Variants in PTCHD1 observed in about 807,000 individuals in gnomAD.
The protein encoded by PTCHD1 is patched domain-containing protein 1.
In PTCHD1, 3 loss-of-function variants were observed where a neutral mutation model predicts 34.6. That is an observed-to-expected ratio of 0.09 (90% CI 0.04 to 0.22). The LOEUF is 0.22. PTCHD1 is among the 10% of genes least tolerant of loss of function. The pLI, the probability that PTCHD1 is intolerant of heterozygous loss-of-function variation, is 1.00. For missense variants in PTCHD1, 504 were observed against 685.5 expected, an observed-to-expected ratio of 0.74 and a Z score of 2.96; for synonymous variants, 305 against 283.1, an observed-to-expected ratio of 1.08 and a Z score of -0.77.
chrX:23,342,311 T>TATATATATATATATA (rs1491209851), intron 1 of PTCHD1, among the ~76,000 whole-genome samples: 4 of 8,882 alleles, frequency 4.5e-4, no homozygotes, highest in Admixed American at 1.5e-3. Flanking sequence ...TATATATATA[T>TATATATATATATATA]TTTTTTTTTT....
In PTCHD1 at chrX:23,393,183, G is replaced by A. The variant is rs146777271; in HGVS notation, c.1665G>A (p.Val555=). 885 of 1,209,825 alleles carry A rather than the reference G, an allele frequency of 7.3e-4. 2 individuals carry two copies. Among genetic ancestry groups the A allele is most frequent in the Non-Finnish European group, 8.6e-4 (771 of 894,818 alleles). ...QQKYFSNYSP[V]IGFYIYESIE... Reference sequence around the variant, plus strand: ...AGTACTTCAGCAACTACAGTCCTGTGATTGGGTTTTACATATATGAGTCTA... The same window carrying A: ...AGTACTTCAGCAACTACAGTCCTGTAATTGGGTTTTACATATATGAGTCTA... The change falls in exon 3 of 3, where the codon GTG becomes GTA. Residue 555 remains valine, a synonymous_variant. Transcript: ENST00000379361.
intron 1 of PTCHD1, among the ~76,000 whole-genome samples, chrX:23,348,547 C>T (rs1024703518): frequency 6.3e-5 from 7 of 110,410 alleles, no homozygotes; most frequent in Non-Finnish European, 1.1e-4. Context: ...TGAAAGAAGC[C>T]AGGGTCGGGG....
rs780005992 is a variant in PTCHD1 at position 23,394,121 on chromosome X, T to C, written c.2603T>C (p.Ile868Thr). 74 of 1,207,020 alleles carry C rather than the reference T, an allele frequency of 6.1e-5. No individual in the cohort carries two copies. The East Asian group carries it at 2.1e-3, about 34-fold the overall frequency. The part of the protein sequence containing the change: ...EKKNPENREE[I>T]ECVEMVDIDS... ...AAAAATCCTGAGAACCGGGAGGAAATTGAGTGTGTAGAAATGGTAGATATC... is the reference window on the plus strand; with the variant it reads ...AAAAATCCTGAGAACCGGGAGGAAACTGAGTGTGTAGAAATGGTAGATATC... The change falls in exon 3 of 3, where the codon ATT becomes ACT. Residue 868 changes from isoleucine (I) to threonine (T), a missense_variant. Ile to Thr is a moderately conservative substitution (Grantham distance 89, BLOSUM62 -1). Transcript: ENST00000379361.
intron 1 of PTCHD1, among the ~76,000 whole-genome samples, chrX:23,355,921 T>C (rs764732779): frequency 8.9e-6 from 1 of 112,924 alleles, no homozygotes; most frequent in South Asian, 3.7e-4. Flanking sequence ...TGGTTTGGTT[T>C]TGTTTTTAAA....
chrX:23,346,719 G>A (rs1007277024), intron 1 of PTCHD1, among the ~76,000 whole-genome samples: 4 of 111,988 alleles, frequency 3.6e-5, no homozygotes, highest in East Asian at 2.8e-4. Context: ...AAGGAGAGTC[G>A]TCAGTTGTCA....
intron 1 of PTCHD1, among the ~76,000 whole-genome samples, chrX:23,339,095 A>G (rs777622193): frequency 4.5e-5 from 5 of 111,769 alleles, no homozygotes; most frequent in Admixed American, 1.9e-4. Flanking sequence ...TGCCTTACAC[A>G]CTCCCTGGCA....
At chrX:23,349,950 G>C (rs932078180) in intron 1 of PTCHD1, among the ~76,000 whole-genome samples, 22 of 106,654 alleles carry the variant, frequency 2.1e-4, no homozygotes, top group Non-Finnish European at 4.0e-4. Flanking sequence ...AGCTGTTAAA[G>C]TCTGCAGGCA....
intron 2 of PTCHD1, among the ~76,000 whole-genome samples, chrX:23,381,402 T>C (rs1330603936): frequency 8.9e-6 from 1 of 112,917 alleles, no homozygotes; most frequent in Non-Finnish European, 1.9e-5. Flanking sequence ...CATCAATTCC[T>C]TTAACAAAAT....
chrX:23,392,721 T>C lies in PTCHD1; in HGVS notation c.1203T>C (p.Ile401=), dbSNP rs747560424. The change falls in exon 3 of 3, where the codon ATT becomes ATC. Residue 401 remains isoleucine, a synonymous_variant. Coordinates refer to ENST00000379361, the MANE Select transcript of PTCHD1 (RefSeq NM_173495.3). Reference sequence around the variant, plus strand: ...TCACGAACATTGAGGCAGCCAGGATTTTCTGCTGCAATTCCTGTATTGCAA... The same window carrying C: ...TCACGAACATTGAGGCAGCCAGGATCTTCTGCTGCAATTCCTGTATTGCAA... ...SPFTNIEAAR[I]FCCNSCIAIF... is the part of the protein sequence containing the mutation. The C allele has an allele frequency of 5.0e-6, 6 of 1,210,697 alleles. No homozygotes were observed. Among genetic ancestry groups the C allele is most frequent in the Non-Finnish European group, 6.7e-6 (6 of 895,361 alleles).
rs529083627 is a variant in PTCHD1, at chrX:23,354,817, C to T, written c.351+19591C>T. Reference sequence around the variant, plus strand: ...CGATCTCTTGACCTCGTGATCACCCCGCCTCGGCCTCCCAAAGTGCTGGGA... The same window carrying T: ...CGATCTCTTGACCTCGTGATCACCCTGCCTCGGCCTCCCAAAGTGCTGGGA... On this transcript the variant is annotated intron_variant, in intron 1 of 2. Transcript: ENST00000379361. Among the ~76,000 whole-genome samples the T allele has an allele frequency of 7.8e-4, 85 of 109,157 alleles. 1 individual carries two copies. In the South Asian group the frequency reaches 0.033, roughly 42 times the overall value. 94.8% of individuals were successfully genotyped at this position (109,157 alleles called of 115,157 possible).
At chrX:23,366,854 T>C (rs780544543) in intron 1 of PTCHD1, among the ~76,000 whole-genome samples, 2 of 110,443 alleles carry the variant, frequency 1.8e-5, no homozygotes, top group South Asian at 7.9e-4. Flanking sequence ...CTCCGTCGTC[T>C]GACCCCTGTC....
intron 1 of PTCHD1, among the ~76,000 whole-genome samples, chrX:23,375,123 T>G (rs1334085490): frequency 9.0e-6 from 1 of 111,599 alleles, no homozygotes; most frequent in Non-Finnish European, 1.9e-5. Flanking sequence ...ATCCCCTTCG[T>G]TACCTGTTAA....
intron 1 of PTCHD1, among the ~76,000 whole-genome samples, chrX:23,376,942 A>G (rs1489487425): frequency 1.8e-5 from 2 of 112,059 alleles, no homozygotes; most frequent in Non-Finnish European, 3.8e-5. Context: ...CTCATTTTCC[A>G]AGATTCCCTC....
chrX:23,387,596 CT>C (rs1922716044), intron 2 of PTCHD1, among the ~76,000 whole-genome samples: 1 of 111,762 alleles, frequency 8.9e-6, no homozygotes, highest in Non-Finnish European at 1.9e-5. Context: ...AAGCAGTTTT[CT>C]TTTTAAAATC....
chrX:23,376,552 G>C (rs1922419273), intron 1 of PTCHD1, among the ~76,000 whole-genome samples: 1 of 112,353 alleles, frequency 8.9e-6, no homozygotes, highest in Admixed American at 9.4e-5. Flanking sequence ...TGTTCAGGTA[G>C]CATGCGCAGT....
In PTCHD1 at chrX:23,401,783, C is replaced by A. The variant is rs1030935801; in HGVS notation, c.*7598C>A. On this transcript the variant is annotated 3_prime_UTR_variant, in exon 3 of 3. Coordinates refer to ENST00000379361, the MANE Select transcript of PTCHD1 (RefSeq NM_173495.3). ...CAGGATACCATTGAAAAAATGTTAT[C>A]TTCCCCTTCTATATGTTTCTTATGC... 2 of 112,850 alleles carry A rather than the reference C, an allele frequency of 1.8e-5. No individual in the cohort carries two copies. The highest frequency in any genetic ancestry group is 6.4e-5 in the African/African-American group (2 of 31,028). The allele number at this position is 112,850 out of a possible 1,213,427, so 9.3% of individuals were successfully genotyped here.
In PTCHD1 at chrX:23,367,445, A is replaced by G. The variant is rs188971785; in HGVS notation, c.352-12146A>G. ...AGTGACACCTTTGGACATGAAAGCA[A>G]TCTTTGCTCCGGGCTGGGCATATCA... On this transcript the variant is annotated intron_variant, in intron 1 of 2. Coordinates refer to ENST00000379361, the MANE Select transcript of PTCHD1 (RefSeq NM_173495.3). 2.0e-4 allele frequency among the ~76,000 whole-genome samples: 22 copies of G among 112,035 alleles called. 1 individual carries two copies. The highest frequency in any genetic ancestry group is 1.9e-3 in the Admixed American group (20 of 10,515).
Position 23,394,453 on chromosome X carries a change from C to CT in PTCHD1, c.*269dup. On this transcript the variant is annotated 3_prime_UTR_variant, in exon 3 of 3. Coordinates refer to ENST00000379361, the MANE Select transcript of PTCHD1 (RefSeq NM_173495.3). ...ACACACACACACACACACACACACCCTGGGAGACCTATAGTCTCTTAAACT... is the reference window on the plus strand; with the variant it reads ...ACACACACACACACACACACACACCCTTGGGAGACCTATAGTCTCTTAAACT... The CT allele has an allele frequency of 3.2e-6, 1 of 309,347 alleles. No individual in the cohort carries two copies. Among genetic ancestry groups the CT allele is most frequent in the Non-Finnish European group, 5.6e-6 (1 of 179,553 alleles). The allele number at this position is 309,347 out of a possible 1,213,427, so 25.5% of individuals were successfully genotyped here.
intron 1 of PTCHD1, among the ~76,000 whole-genome samples, chrX:23,342,298 ATATATATATATATTTTTTTTT>A (rs1921349652): frequency 1.2e-4 from 1 of 8,213 alleles, no homozygotes; most frequent in African/African-American, 1.8e-3. Flanking sequence ...ATATATATAT[ATATATATATATATTTTTTTTT>A]TTTTTTTTTT....
Sources: allele counts gnomAD v4.1 joint callset (sites outside exome capture counted in the v4.1 genomes callset), GRCh38; gene constraint gnomAD v4.1.1; transcripts MANE v1.5; gene names NCBI Gene and HGNC (gene_info 2026-07-23, HGNC 2026-07-21).